CDH13: variants seen among roughly 807,000 people sequenced by gnomAD.
The protein encoded by CDH13 is cadherin 13, also known as cadherin-13.
CDH13 carries 24 observed loss-of-function variants against 63.8 expected under a neutral mutation model. The ratio of observed to expected loss-of-function variants is 0.38; its 90% CI spans 0.27 to 0.53. The LOEUF (loss-of-function observed/expected upper bound fraction) is 0.53. Ranked by LOEUF, CDH13 falls within the 20% of genes least tolerant of loss-of-function variation. The pLI is 0.85. For synonymous variants in CDH13, 503 were observed against 355.3 expected, an observed-to-expected ratio of 1.42 and a Z score of -4.67; for missense variants, 1,049 against 903.1, an observed-to-expected ratio of 1.16 and a Z score of -2.07.
At chr16:83,407,101 C>T (rs528593467) in intron 6 of CDH13, among the ~76,000 whole-genome samples, 17 of 152,270 alleles carry the variant, frequency 1.1e-4, no homozygotes, top group South Asian at 1.0e-3. Flanking sequence ...TAATTTTGAG[C>T]GCCTACTGTG....
At chr16:82,716,648 A>G (rs765078604) in intron 1 of CDH13, among the ~76,000 whole-genome samples, 10 of 149,712 alleles carry the variant, frequency 6.7e-5, no homozygotes, top group Non-Finnish European at 1.3e-4. Context: ...AATTTCAACC[A>G]TTTGGCAGGG....
intron 13 of CDH13, among the ~76,000 whole-genome samples, chr16:83,792,261 G>C (rs1916323587): frequency 6.6e-6 from 1 of 152,192 alleles, no homozygotes; most frequent in Non-Finnish European, 1.5e-5. Context: ...GTTGATCCTT[G>C]GGGGCTTTCC....
chr16:83,421,939 T>C (rs2071728241), intron 6 of CDH13, among the ~76,000 whole-genome samples: 2 of 152,206 alleles, frequency 1.3e-5, no homozygotes, highest in South Asian at 2.1e-4. Context: ...AGCCATGATA[T>C]TTTGGTTGCT....
chr16:82,794,173 C>T (rs933612975), intron 1 of CDH13, among the ~76,000 whole-genome samples: 1 of 148,334 alleles, frequency 6.7e-6, no homozygotes, highest in African/African-American at 2.6e-5. Context: ...AATTTTTTTT[C>T]TTTTCTTTTC....
At position 83,221,280 on chromosome 16, in the gene CDH13, G is replaced by A. The variant is rs376731592; in HGVS notation, c.636+3783G>A. On this transcript the variant is annotated intron_variant, in intron 5 of 13. Transcript: ENST00000567109. ...TACTTTTTAAAAACCATCCATTTCC[G>A]TGACCCACTGCCATCTTGCCACTCC... Among the ~76,000 whole-genome samples, 12 of 152,098 alleles carry A rather than the reference G, an allele frequency of 7.9e-5. No individual in the cohort carries two copies. The South Asian group carries it at 8.3e-4, about 11-fold the overall frequency.
intron 10 of CDH13, among the ~76,000 whole-genome samples, chr16:83,731,959 C>G (rs1426340047): frequency 3.9e-5 from 6 of 152,208 alleles, no homozygotes; most frequent in Non-Finnish European, 8.8e-5. Flanking sequence ...GATTAAATAA[C>G]AAGGCTGAAA....
chr16:83,323,556 C>T (rs573347129), intron 5 of CDH13, among the ~76,000 whole-genome samples: 2 of 152,230 alleles, frequency 1.3e-5, no homozygotes, highest in African/African-American at 4.8e-5. Context: ...GCTGGGATTA[C>T]AGGCATGAGC....
At chr16:83,214,841 A>G (rs2039449294) in intron 4 of CDH13, among the ~76,000 whole-genome samples, 1 of 151,872 alleles carries the variant, frequency 6.6e-6, no homozygotes. Flanking sequence ...TCATACTCAC[A>G]CAGTGGATCA....
intron 1 of CDH13, among the ~76,000 whole-genome samples, chr16:82,699,834 G>C (rs769686654): frequency 2.0e-5 from 3 of 152,202 alleles, no homozygotes; most frequent in Non-Finnish European, 4.4e-5. Flanking sequence ...GTCCCATCTA[G>C]TTTTTACAAA....
At chr16:83,391,331 G>T (rs912452675) in intron 6 of CDH13, among the ~76,000 whole-genome samples, 2 of 151,520 alleles carry the variant, frequency 1.3e-5, no homozygotes, top group Non-Finnish European at 2.9e-5. Flanking sequence ...TCAGCCTCCC[G>T]AGTAGCTGGG....
At chr16:83,233,082 G>A (rs2040048705) in intron 5 of CDH13, among the ~76,000 whole-genome samples, 1 of 152,146 alleles carries the variant, frequency 6.6e-6, no homozygotes, top group South Asian at 2.1e-4. Context: ...GCCAGCTTTA[G>A]GTCCCTTGAG....
In CDH13 at chr16:83,265,727, C is replaced by CTTTTTTTTTTTTTTTTTTTT. The variant is rs71272416; in HGVS notation, c.636+48237_636+48256dup. ...GTTTTCTGTTGCTTCTAAATTTCTG[C>CTTTTTTTTTTTTTTTTTTTT]TTTTTTTTTTTTTTTTTTTTTTTTT... On this transcript the variant is annotated intron_variant, in intron 5 of 13. Transcript: ENST00000567109. 5.9e-4 allele frequency among the ~76,000 whole-genome samples: 25 copies of CTTTTTTTTTTTTTTTTTTTT among 42,564 alleles called. 5 individuals carry two copies. The highest frequency in any genetic ancestry group is 8.1e-4 in the African/African-American group (7 of 8,602). The allele number at this position is 42,564 out of a possible 152,430, so 27.9% of individuals were successfully genotyped here. A position where few individuals can be genotyped will look rare whatever the true frequency, so the allele number is the denominator to read the frequency against.
intron 4 of CDH13, among the ~76,000 whole-genome samples, chr16:83,165,646 G>T (rs145564256): frequency 2.0e-5 from 3 of 152,150 alleles, no homozygotes; most frequent in Non-Finnish European, 4.4e-5. Flanking sequence ...AGGGGAGGAA[G>T]GATAAGAAGC....
At chr16:82,991,515 G>T (rs1376096254) in intron 2 of CDH13, among the ~76,000 whole-genome samples, 1 of 152,022 alleles carries the variant, frequency 6.6e-6, no homozygotes. Context: ...TCTCTTTCCT[G>T]CCCAAGTCCA....
At chr16:83,224,089 G>A (rs1395270297) in intron 5 of CDH13, among the ~76,000 whole-genome samples, 3 of 152,108 alleles carry the variant, frequency 2.0e-5, no homozygotes, top group Non-Finnish European at 4.4e-5. Flanking sequence ...AACATATGAT[G>A]TTTGGTTTTC....
intron 1 of CDH13, among the ~76,000 whole-genome samples, chr16:82,752,261 T>C (rs1014584467): frequency 6.6e-6 from 1 of 152,144 alleles, no homozygotes; most frequent in Non-Finnish European, 1.5e-5. Context: ...ATGGAACTAA[T>C]AGTGGATTTC....
intron 5 of CDH13, among the ~76,000 whole-genome samples, chr16:83,337,126 A>G (rs2090615553): frequency 6.6e-6 from 1 of 152,224 alleles, no homozygotes; most frequent in African/African-American, 2.4e-5. Flanking sequence ...AAAGCATTTT[A>G]CGTACAGCCA....
At chr16:83,160,050 C>T (rs967768328) in intron 4 of CDH13, among the ~76,000 whole-genome samples, 2 of 151,634 alleles carry the variant, frequency 1.3e-5, no homozygotes, top group African/African-American at 4.9e-5. Context: ...CATTCCAGCC[C>T]GGGTGACAGA....
At chr16:82,840,574 A>G (rs572883024) in intron 1 of CDH13, among the ~76,000 whole-genome samples, 1 of 150,708 alleles carries the variant, frequency 6.6e-6, no homozygotes, top group African/African-American at 2.4e-5. Flanking sequence ...AACCCCAGCT[A>G]CTTGGGTGGC....
Sources: allele counts gnomAD v4.1 joint callset (sites outside exome capture counted in the v4.1 genomes callset), GRCh38; gene constraint gnomAD v4.1.1; transcripts MANE v1.5; gene names NCBI Gene and HGNC (gene_info 2026-07-23, HGNC 2026-07-21).